NEK10: variants seen among roughly 807,000 people sequenced by gnomAD.
The protein encoded by NEK10 is serine/threonine-protein kinase Nek10.
In NEK10, 122 loss-of-function variants were observed where a neutral mutation model predicts 159.8. The observed-to-expected ratio is 0.76, with a 90% CI of 0.66 to 0.89. NEK10 has a LOEUF of 0.89. Among genes scored for constraint, NEK10 ranks in the 40% least tolerant of loss-of-function variants. The pLI is 0.00. For missense variants in NEK10, 1,342 were observed against 1,323.1 expected, an observed-to-expected ratio of 1.01 and a Z score of -0.22; for synonymous variants, 466 against 457.1, an observed-to-expected ratio of 1.02 and a Z score of -0.25.
intron 31 of NEK10, among the ~76,000 whole-genome samples, chr3:27,138,307 G>A (rs1172817025): frequency 6.6e-6 from 1 of 152,168 alleles, no homozygotes; most frequent in Non-Finnish European, 1.5e-5. Context: ...GTAAGTTCCA[G>A]GGCACAGTAC....
intron 26 of NEK10, among the ~76,000 whole-genome samples, chr3:27,179,988 C>T (rs563418841): frequency 1.6e-4 from 25 of 151,642 alleles, no homozygotes; most frequent in Admixed American, 2.6e-4. Context: ...GGCTGAAGCA[C>T]GAGAATTGCT....
At chr3:27,302,200 T>A (rs653076) in intron 12 of NEK10, among the ~76,000 whole-genome samples, 1 of 152,024 alleles carries the variant, frequency 6.6e-6, no homozygotes, top group Admixed American at 6.5e-5. Context: ...GAAAGTTCTC[T>A]CCTATCATAT....
At chr3:27,207,029 G>A (rs1258705747) in intron 23 of NEK10, among the ~76,000 whole-genome samples, 1 of 152,132 alleles carries the variant, frequency 6.6e-6, no homozygotes, top group East Asian at 1.9e-4. Flanking sequence ...TTTTAAATAT[G>A]TGTGTGTGCT....
intron 5 of NEK10, among the ~76,000 whole-genome samples, chr3:27,322,471 C>G (rs796336208): frequency 6.6e-6 from 1 of 151,986 alleles, no homozygotes; most frequent in Non-Finnish European, 1.5e-5. Flanking sequence ...AGGCCCCCCC[C>G]AAACTTATTT....
chr3:27,224,268 G>A (rs983510925), intron 23 of NEK10, among the ~76,000 whole-genome samples: 1 of 152,218 alleles, frequency 6.6e-6, no homozygotes, highest in Non-Finnish European at 1.5e-5. Context: ...ACTTTCAGCT[G>A]TCTGGCTTCT....
chr3:27,256,161 ACCT>A (rs1321387496), intron 23 of NEK10, 132 bp downstream of exon 23: 1 of 448,274 alleles, frequency 2.2e-6, no homozygotes, highest in Non-Finnish European at 3.9e-6. Context: ...AATGTGTATT[ACCT>A]AGATAATTGA....
intron 30 of NEK10, among the ~76,000 whole-genome samples, chr3:27,159,668 ATAAAT>A (rs1945821523): frequency 6.6e-6 from 1 of 152,116 alleles, no homozygotes; most frequent in African/African-American, 2.4e-5. Context: ...TTTGTAGAAA[ATAAAT>A]TATTGATACA....
At chr3:27,273,405 T>C (rs1453247052) in intron 22 of NEK10, among the ~76,000 whole-genome samples, 1 of 152,176 alleles carries the variant, frequency 6.6e-6, no homozygotes, top group East Asian at 1.9e-4. Context: ...TAGACATGGT[T>C]CATTGCTGAC....
intron 28 of NEK10, among the ~76,000 whole-genome samples, chr3:27,172,325 C>T (rs1156743004): frequency 9.4e-6 from 1 of 105,850 alleles, no homozygotes; most frequent in African/African-American, 4.8e-5. Flanking sequence ...CAGAGCGAGA[C>T]CCCGTCTCAA....
chr3:27,195,133 A>G (rs964024829), intron 25 of NEK10, among the ~76,000 whole-genome samples: 1 of 152,246 alleles, frequency 6.6e-6, no homozygotes, highest in African/African-American at 2.4e-5. Flanking sequence ...GAAAGAAGAT[A>G]TATATGATTA....
intron 32 of NEK10, among the ~76,000 whole-genome samples, chr3:27,128,969 AT>A (rs968515508): frequency 6.6e-6 from 1 of 152,138 alleles, no homozygotes; most frequent in African/African-American, 2.4e-5. Flanking sequence ...AAATGTGTAT[AT>A]TTTTTAATAG....
At chr3:27,365,011 G>A (rs931126901) in intron 1 of NEK10, among the ~76,000 whole-genome samples, 2 of 152,342 alleles carry the variant, frequency 1.3e-5, no homozygotes, top group Admixed American at 6.5e-5. Flanking sequence ...AAGTGGCAGA[G>A]CAGAGATTTG....
At position 27,114,447 on chromosome 3, in the gene NEK10, A is replaced by G. The variant is rs980186734; in HGVS notation, c.3299+1493T>C. 1.7e-4 allele frequency among the ~76,000 whole-genome samples: 26 copies of G among 152,174 alleles called. 1 individual carries two copies. The highest frequency in any genetic ancestry group is 3.8e-4 in the Non-Finnish European group (26 of 68,030). Reference sequence around the variant, plus strand: ...CAGTTACAAATCACAACAGATCTAAATTTATAAAGGTAGTATTTTGAAACT... The same window carrying G: ...CAGTTACAAATCACAACAGATCTAAGTTTATAAAGGTAGTATTTTGAAACT... On this transcript the variant is annotated intron_variant, in intron 35 of 35. Coordinates refer to ENST00000691995, the MANE Select transcript of NEK10 (RefSeq NM_001394966.1).
In NEK10 at chr3:27,201,531, T is replaced by C; in HGVS notation, c.2270A>G (p.Lys757Arg). The part of the protein sequence containing the change: ...EPVPEGIYSE[K>R]VTDTISRCLT... Reference sequence around the variant, plus strand: ...TTACCTGCTGATGGTGTCTGTTACTTTTTCAGAGTAGATACCTTCTGGGAC... The same window carrying C: ...TTACCTGCTGATGGTGTCTGTTACTCTTTCAGAGTAGATACCTTCTGGGAC... Residue 757 changes from lysine to arginine, a missense_variant, in exon 25 of 36, where the codon AAA becomes AGA. By Grantham distance (26) the Lys-to-Arg change is conservative. Transcript: ENST00000691995. 1 of 1,613,984 alleles carries C rather than the reference T, an allele frequency of 6.2e-7. No homozygotes were observed. Among genetic ancestry groups the C allele is most frequent in the Non-Finnish European group, 8.5e-7 (1 of 1,179,898 alleles).
chr3:27,255,418 T>C (rs1575466497), intron 23 of NEK10: 1 of 200,672 alleles, frequency 5.0e-6, no homozygotes, highest in East Asian at 1.4e-4. Context: ...TAGGCTGCTA[T>C]TTTTAGACAA....
At chr3:27,314,404 T>G in intron 6 of NEK10, 66 bp from the exon 7 acceptor site, 1 of 917,672 alleles carries the variant, frequency 1.1e-6, no homozygotes, top group South Asian at 1.4e-5. Flanking sequence ...ATATTTTACA[T>G]GCAATTTCTT....
intron 5 of NEK10, among the ~76,000 whole-genome samples, chr3:27,341,132 T>C (rs555556376): frequency 3.3e-5 from 5 of 152,148 alleles, no homozygotes; most frequent in Non-Finnish European, 7.4e-5. Context: ...CACTCATACA[T>C]GGGAGCTTAA....
chr3:27,278,761 T>G (rs2041944657), intron 22 of NEK10: 1 of 985,198 alleles, frequency 1.0e-6, no homozygotes, highest in African/African-American at 1.7e-5. Context: ...TTTGAAAAGG[T>G]CAAGAAATCT....
At chr3:27,332,531 C>T (rs1476591602) in intron 5 of NEK10, among the ~76,000 whole-genome samples, 2 of 152,190 alleles carry the variant, frequency 1.3e-5, no homozygotes, top group Non-Finnish European at 2.9e-5. Flanking sequence ...TCATATTCCA[C>T]CAGCTCAGCT....
Sources: allele counts gnomAD v4.1 joint callset (sites outside exome capture counted in the v4.1 genomes callset), GRCh38; gene constraint gnomAD v4.1.1; transcripts MANE v1.5; gene names NCBI Gene and HGNC (gene_info 2026-07-23, HGNC 2026-07-21).